Variants in PTPRK observed in about 807,000 individuals in gnomAD.
PTPRK encodes the protein protein tyrosine phosphatase receptor type K.
A neutral mutation model predicts 178.0 loss-of-function variants in PTPRK; 75 were observed. The observed-to-expected ratio is 0.42, with a 90% CI of 0.35 to 0.51. PTPRK has a LOEUF of 0.51. PTPRK is among the 20% of genes least tolerant of loss of function. The probability of loss-of-function intolerance (pLI) is 0.02; values close to 1 mark genes in which losing one functional copy is unlikely to be tolerated. For synonymous variants in PTPRK, 637 were observed against 620.6 expected, an observed-to-expected ratio of 1.03 and a Z score of -0.39; for missense variants, 1,441 against 1,797.8, an observed-to-expected ratio of 0.80 and a Z score of 3.59.
chr6:128,128,909 A>G (rs866653884), intron 7 of PTPRK, among the ~76,000 whole-genome samples: 1 of 152,222 alleles, frequency 6.6e-6, no homozygotes, highest in Non-Finnish European at 1.5e-5. Flanking sequence ...TGCTGCACAG[A>G]AATGACATGA....
chr6:128,260,363 A>G (rs1233994251), intron 3 of PTPRK, among the ~76,000 whole-genome samples: 1 of 152,188 alleles, frequency 6.6e-6, no homozygotes, highest in African/African-American at 2.4e-5. Context: ...AGACCACTGC[A>G]GTTGTTGAAG....
chr6:128,187,291 AAACAGTAAAGCAC>A (rs1802945856), intron 6 of PTPRK, among the ~76,000 whole-genome samples: 1 of 152,156 alleles, frequency 6.6e-6, no homozygotes, highest in Admixed American at 6.6e-5. Context: ...GAAATAAGTG[AAACAGTAAAGCAC>A]AACATTAATT....
rs1203676745 is a variant in PTPRK, at chr6:127,970,143, G to T, written c.*84C>A. 2.1e-5 allele frequency: 23 copies of T among 1,089,904 alleles called. No homozygotes were observed. The highest frequency in any genetic ancestry group is 3.1e-5 in the Non-Finnish European group (23 of 752,492). The allele number at this position is 1,089,904 out of a possible 1,614,324, so 67.5% of individuals were successfully genotyped here. On this transcript the variant is annotated 3_prime_UTR_variant, in exon 30 of 30. Transcript: ENST00000368226. ...CCACCCCCCACATTAAAATCTTTCT[G>T]CACAAGTGTAACAGGTACAACAGCT...
At chr6:127,999,886 A>T in intron 15 of PTPRK, 1 of 796,166 alleles carries the variant, frequency 1.3e-6, no homozygotes, top group Non-Finnish European at 1.5e-6. Context: ...ACTCACAATT[A>T]AGCGTAAGTC....
intron 1 of PTPRK, among the ~76,000 whole-genome samples, chr6:128,517,615 A>G (rs1858277515): frequency 6.6e-6 from 1 of 152,204 alleles, no homozygotes; most frequent in South Asian, 2.1e-4. Context: ...AAAAGCTAAG[A>G]AAAAAGTCAC....
At position 128,451,617 on chromosome 6, in the gene PTPRK, G is replaced by A. The variant is rs138116732; in HGVS notation, c.101-53929C>T. 5.9e-3 allele frequency among the ~76,000 whole-genome samples: 892 copies of A among 151,734 alleles called. 7 individuals are homozygous for A. Among genetic ancestry groups the A allele is most frequent in the Non-Finnish European group, 7.7e-3 (525 of 67,902 alleles). On this transcript the variant is annotated intron_variant, in intron 1 of 29. Coordinates refer to ENST00000368226, the MANE Select transcript of PTPRK (RefSeq NM_002844.4). ...CAAAATATGTTAAAAAAAAAGCCTC[G>A]GTAAATTTTTTTTGTTTGTTGTTTA...
chr6:127,971,207 CATA>C (rs1773861096), intron 29 of PTPRK, among the ~76,000 whole-genome samples: 2 of 152,194 alleles, frequency 1.3e-5, no homozygotes, highest in Admixed American at 1.3e-4. Flanking sequence ...GGACTTGCTC[CATA>C]ATAAGAATTT....
chr6:128,142,474 T>C (rs1329309076), intron 7 of PTPRK, among the ~76,000 whole-genome samples: 1 of 151,788 alleles, frequency 6.6e-6, no homozygotes, highest in Admixed American at 6.6e-5. Context: ...TAGCATTCCA[T>C]TGGAAGTTAA....
chr6:128,394,150 C>A (rs540566666), intron 2 of PTPRK, among the ~76,000 whole-genome samples: 3 of 152,204 alleles, frequency 2.0e-5, no homozygotes, highest in Admixed American at 6.5e-5. Flanking sequence ...GGTTTCTCTC[C>A]CTTAAGATTG....
At chr6:128,306,009 G>A (rs889003049) in intron 3 of PTPRK, among the ~76,000 whole-genome samples, 2 of 152,162 alleles carry the variant, frequency 1.3e-5, no homozygotes, top group Non-Finnish European at 2.9e-5. Flanking sequence ...ACAGAGTGAA[G>A]GGGGAAGCCT....
intron 13 of PTPRK, among the ~76,000 whole-genome samples, chr6:128,054,756 A>C (rs963547608): frequency 6.6e-6 from 1 of 152,244 alleles, no homozygotes; most frequent in Non-Finnish European, 1.5e-5. Flanking sequence ...AGACAGATTC[A>C]TTCATGTTTA....
At chr6:128,517,257 C>T (rs1327917826) in intron 1 of PTPRK, among the ~76,000 whole-genome samples, 1 of 152,148 alleles carries the variant, frequency 6.6e-6, no homozygotes, top group East Asian at 1.9e-4. Context: ...CCATAAATTA[C>T]TTCATTTAAT....
At chr6:128,174,998 T>C (rs945157295) in intron 7 of PTPRK, among the ~76,000 whole-genome samples, 10 of 151,904 alleles carry the variant, frequency 6.6e-5, no homozygotes, top group African/African-American at 2.2e-4. Flanking sequence ...ACACAGCAAT[T>C]ACTCAGTACT....
chr6:128,485,759 G>C (rs1043401747), intron 1 of PTPRK, among the ~76,000 whole-genome samples: 5 of 152,110 alleles, frequency 3.3e-5, no homozygotes, highest in African/African-American at 1.2e-4. Flanking sequence ...CAAGTTCCAA[G>C]AATAAACAGA....
chr6:128,391,409 A>G (rs1035908659), intron 2 of PTPRK, among the ~76,000 whole-genome samples: 1 of 152,130 alleles, frequency 6.6e-6, no homozygotes, highest in African/African-American at 2.4e-5. Flanking sequence ...AAGAAAGTAA[A>G]CCAACATTTT....
intron 25 of PTPRK, among the ~76,000 whole-genome samples, chr6:127,980,557 A>G (rs750500680): frequency 6.6e-6 from 1 of 152,024 alleles, no homozygotes; most frequent in Non-Finnish European, 1.5e-5. Flanking sequence ...TATGGGCTAT[A>G]TAACACCCTG....
intron 25 of PTPRK, among the ~76,000 whole-genome samples, chr6:127,979,166 C>T (rs1774962973): frequency 6.6e-6 from 1 of 152,120 alleles, no homozygotes; most frequent in Admixed American, 6.5e-5. Flanking sequence ...GTTCTAGCTA[C>T]TTGGTAGGCT....
At chr6:128,417,707 ATTTTTGTCACTCAGTATCTCTTCCTTAAC>A (rs1482145951) in intron 1 of PTPRK, among the ~76,000 whole-genome samples, 2 of 152,272 alleles carry the variant, frequency 1.3e-5, no homozygotes, top group East Asian at 1.9e-4. Flanking sequence ...TCATCATGGT[ATTTTTGTCACTCAGTATCTCTTCCTTAAC>A]TTTCTCATAG....
chr6:128,256,367 C>G (rs1817310331), intron 3 of PTPRK, among the ~76,000 whole-genome samples: 2 of 152,064 alleles, frequency 1.3e-5, no homozygotes, highest in Admixed American at 6.6e-5. Flanking sequence ...AGAGCCACAC[C>G]TTTTAGAAGG....
Sources: allele counts gnomAD v4.1 joint callset (sites outside exome capture counted in the v4.1 genomes callset), GRCh38; gene constraint gnomAD v4.1.1; transcripts MANE v1.5; gene names NCBI Gene and HGNC (gene_info 2026-07-23, HGNC 2026-07-21).